PTPRD: variants seen among roughly 807,000 people sequenced by gnomAD.
PTPRD encodes the protein receptor-type tyrosine-protein phosphatase delta.
PTPRD carries 34 observed loss-of-function variants against 214.5 expected under a neutral mutation model. The ratio of observed to expected loss-of-function variants is 0.16; its 90% CI spans 0.12 to 0.21. The LOEUF is 0.21. Ranked by LOEUF, PTPRD falls within the 10% of genes least tolerant of loss-of-function variation. The probability of loss-of-function intolerance (pLI) is 1.00; values close to 1 mark genes in which losing one functional copy is unlikely to be tolerated. For synonymous variants in PTPRD, 1,128 were observed against 845.7 expected (o/e 1.33, Z -5.79); for missense variants, 2,545 against 2,398.7 (o/e 1.06, Z -1.27).
At chr9:8,528,308 C>T (rs1042705381) in intron 15 of PTPRD, 67 of 467,540 alleles carry the variant, frequency 1.4e-4, no homozygotes, top group Admixed American at 3.1e-4. Context: ...TCAAATACTG[C>T]GAAAAAGCAG....
intron 9 of PTPRD, among the ~76,000 whole-genome samples, chr9:9,258,500 C>T (rs929048228): frequency 2.6e-5 from 4 of 151,752 alleles, no homozygotes; most frequent in Non-Finnish European, 5.9e-5. Context: ...TCAGGTTGTA[C>T]TGATGTCACA....
chr9:10,429,613 G>A (rs971622390), intron 2 of PTPRD, among the ~76,000 whole-genome samples: 13 of 151,804 alleles, frequency 8.6e-5, no homozygotes, highest in Non-Finnish European at 1.5e-4. Context: ...ACTCATAAGT[G>A]AGGGATAAAA....
chr9:8,329,176 TTTGACCTTTGATGATG>T (rs1291220199), intron 44 of PTPRD, among the ~76,000 whole-genome samples: 1 of 152,090 alleles, frequency 6.6e-6, no homozygotes, highest in African/African-American at 2.4e-5. Context: ...TTTATCTACC[TTTGACCTTTGATGATG>T]GTGACCTTCA....
chr9:8,885,909 T>C (rs2098483603), intron 11 of PTPRD, among the ~76,000 whole-genome samples: 1 of 152,198 alleles, frequency 6.6e-6, no homozygotes, highest in African/African-American at 2.4e-5. Flanking sequence ...ACGCGCTTAA[T>C]TGTGTTAAGT....
chr9:9,312,751 T>A (rs935134380), intron 9 of PTPRD, among the ~76,000 whole-genome samples: 7 of 152,138 alleles, frequency 4.6e-5, no homozygotes, highest in African/African-American at 1.4e-4. Context: ...AATGAATGAA[T>A]GAATGAACAC....
intron 3 of PTPRD, among the ~76,000 whole-genome samples, chr9:10,050,677 T>C (rs562103104): frequency 2.0e-5 from 3 of 149,910 alleles, no homozygotes; most frequent in South Asian, 2.1e-4. Context: ...ATATGTAAAA[T>C]TGTATTTTCA....
chr9:8,447,299 A>G (rs917603994), intron 34 of PTPRD, among the ~76,000 whole-genome samples: 13 of 152,140 alleles, frequency 8.5e-5, no homozygotes, highest in Admixed American at 4.6e-4. Flanking sequence ...GATAAGTCTA[A>G]CTTTAGTTAA....
intron 8 of PTPRD, among the ~76,000 whole-genome samples, chr9:9,410,635 GA>G (rs2075095699): frequency 6.6e-6 from 1 of 152,170 alleles, no homozygotes; most frequent in Non-Finnish European, 1.5e-5. Flanking sequence ...AAGAGGCTTT[GA>G]AACAGGAAGT....
At chr9:8,626,246 T>G (rs1013129611) in intron 14 of PTPRD, among the ~76,000 whole-genome samples, 1 of 152,038 alleles carries the variant, frequency 6.6e-6, no homozygotes, top group African/African-American at 2.4e-5. Flanking sequence ...CAATTATGTA[T>G]GAATGACTGT....
In PTPRD at chr9:10,030,597, G is replaced by A. The variant is rs183703712; in HGVS notation, c.-472+3121C>T. 9.0e-4 allele frequency among the ~76,000 whole-genome samples: 137 copies of A among 152,304 alleles called. 1 individual carries two copies. The highest frequency in any genetic ancestry group is 3.3e-3 in the African/African-American group (137 of 41,564). ...TAACTCCTAGGAGGGATACCTGGGA[G>A]AAGGAAAGGCTCAGGGAAATAAGAA... On this transcript the variant is annotated intron_variant, in intron 4 of 45. Coordinates refer to ENST00000381196, the MANE Select transcript of PTPRD (RefSeq NM_002839.4).
chr9:9,845,165 A>T (rs7021571), intron 5 of PTPRD, among the ~76,000 whole-genome samples: 83 of 5,240 alleles, frequency 0.016, no homozygotes, highest in Middle Eastern at 0.5. Flanking sequence ...TATATAGAGC[A>T]ATATATATAT....
intron 9 of PTPRD, among the ~76,000 whole-genome samples, chr9:9,341,492 G>T (rs1366059069): frequency 6.6e-6 from 1 of 152,090 alleles, no homozygotes; most frequent in East Asian, 1.9e-4. Context: ...TTAGTAGCCT[G>T]GTTTCCTGGC....
At chr9:9,144,433 C>A (rs2099865180) in intron 10 of PTPRD, among the ~76,000 whole-genome samples, 1 of 152,128 alleles carries the variant, frequency 6.6e-6, no homozygotes, top group African/African-American at 2.4e-5. Context: ...TACCTAAAAT[C>A]ATTTAAAGAT....
chr9:8,363,581 T>G (rs1037852245), intron 39 of PTPRD, among the ~76,000 whole-genome samples: 1 of 152,230 alleles, frequency 6.6e-6, no homozygotes, highest in East Asian at 1.9e-4. Context: ...TGGGTTGTAC[T>G]TGGGGGTTTT....
chr9:9,871,946 A>T (rs2065576301), intron 5 of PTPRD, among the ~76,000 whole-genome samples: 1 of 147,852 alleles, frequency 6.8e-6, no homozygotes, highest in South Asian at 2.1e-4. Context: ...CAATTGCCAG[A>T]CAAACAACTA....
chr9:10,132,331 T>C (rs2098898408), intron 3 of PTPRD, among the ~76,000 whole-genome samples: 1 of 152,138 alleles, frequency 6.6e-6, no homozygotes, highest in Non-Finnish European at 1.5e-5. Context: ...GGCAAATAGA[T>C]TCTCAGACAG....
chr9:8,934,422 T>TATATATATAAAA (rs2098975892), intron 11 of PTPRD, among the ~76,000 whole-genome samples: 1 of 23,932 alleles, frequency 4.2e-5, no homozygotes, highest in African/African-American at 1.4e-4. Context: ...TGTGTGTGTG[T>TATATATATAAAA]ATATATATAT....
intron 10 of PTPRD, among the ~76,000 whole-genome samples, chr9:9,025,317 C>T (rs75347262): frequency 0.019 from 2,961 of 152,068 alleles, 43 homozygotes; most frequent in Non-Finnish European, 0.026. Flanking sequence ...AAAGACTTTC[C>T]TATGTTCTGA....
At chr9:8,814,339 G>A (rs1388658023) in intron 11 of PTPRD, among the ~76,000 whole-genome samples, 2 of 151,228 alleles carry the variant, frequency 1.3e-5, no homozygotes, top group African/African-American at 4.9e-5. Context: ...CAGACGGCAA[G>A]ACTAAGCAAG....
Sources: allele counts gnomAD v4.1 joint callset (sites outside exome capture counted in the v4.1 genomes callset), GRCh38; gene constraint gnomAD v4.1.1; transcripts MANE v1.5; gene names NCBI Gene and HGNC (gene_info 2026-07-23, HGNC 2026-07-21).